BAZ2A: variants seen among roughly 807,000 people sequenced by gnomAD.
BAZ2A encodes the protein bromodomain adjacent to zinc finger domain 2A.
A neutral mutation model predicts 199.9 loss-of-function variants in BAZ2A; 34 were observed. The observed-to-expected ratio is 0.17, with a 90% CI of 0.13 to 0.23. The LOEUF is 0.23. Among genes scored for constraint, BAZ2A ranks in the 10% least tolerant of loss-of-function variants. The pLI, the probability that BAZ2A is intolerant of heterozygous loss-of-function variation, is 1.00. For synonymous variants in BAZ2A, 857 were observed against 883.9 expected (o/e 0.97, Z 0.54); for missense variants, 2,002 against 2,391.1 (o/e 0.84, Z 3.39).
At chr12:56,618,609 A>T (rs1170432007) in intron 1 of BAZ2A, among the ~76,000 whole-genome samples, 1 of 152,218 alleles carries the variant, frequency 6.6e-6, no homozygotes, top group Non-Finnish European at 1.5e-5. Flanking sequence ...ATGTTACTAC[A>T]TTTTAAAAAA....
At chr12:56,604,850 A>G (rs1484726163) in intron 14 of BAZ2A, 51 bp from the exon 15 acceptor site, 6 of 1,569,158 alleles carry the variant, frequency 3.8e-6, no homozygotes, top group African/African-American at 2.7e-5. Flanking sequence ...TGCACAACCA[A>G]GTTGGGTGAA....
At chr12:56,610,330 G>A (rs1050129298) in intron 8 of BAZ2A, 79 bp downstream of exon 8, 1 of 1,575,678 alleles carries the variant, frequency 6.3e-7, no homozygotes, top group Non-Finnish European at 8.7e-7. Context: ...TTGTCACTGA[G>A]CCCAAGAACG....
chr12:56,625,785 AGAATGGCGTGAACCCGGG>A (rs1951073917), intron 1 of BAZ2A, among the ~76,000 whole-genome samples: 4 of 147,634 alleles, frequency 2.7e-5, no homozygotes. Context: ...CTGAGGCAGG[AGAATGGCGTGAACCCGGG>A]AGGCGGAGCT....
In BAZ2A at chr12:56,598,528, AC is replaced by A; in HGVS notation, c.*89del. On this transcript the variant is annotated 3_prime_UTR_variant, in exon 29 of 29. Transcript: ENST00000549884. The stretch of plus-strand genomic sequence containing the variant: ...AGGGTTGTATCTGACTTGAGTCTGG[AC>A]CCAGGGCAGCATCAGCAGGTGAAAA... 6.7e-7 allele frequency: 1 copy of A among 1,488,248 alleles called. No individual in the cohort carries two copies. Among genetic ancestry groups the A allele is most frequent in the Non-Finnish European group, 9.0e-7 (1 of 1,109,810 alleles). The allele number at this position is 1,488,248 out of a possible 1,614,324, so 92.2% of individuals were successfully genotyped here. A position where few individuals can be genotyped will look rare whatever the true frequency, so the allele number is the denominator to read the frequency against.
Position 56,598,276 on chromosome 12 carries a change from G to C in BAZ2A, c.*342C>G, listed in dbSNP as rs1040881195. The C allele has an allele frequency of 3.5e-6, 1 of 282,806 alleles. No individual in the cohort carries two copies. The highest frequency in any genetic ancestry group is 2.2e-5 in the African/African-American group (1 of 44,938). 17.5% of individuals were successfully genotyped at this position (282,806 alleles called of 1,614,324 possible). A position where few individuals can be genotyped will look rare whatever the true frequency, so the allele number is the denominator to read the frequency against. ...CCAGAATGCTGGGGCACGTACAGGG[G>C]AGGAGAGGAAGCAGGGAGGAGGAAG... On this transcript the variant is annotated 3_prime_UTR_variant, in exon 29 of 29. Coordinates refer to ENST00000549884, the MANE Select transcript of BAZ2A (RefSeq NM_001300905.2).
intron 4 of BAZ2A, 73 bp from the exon 5 acceptor site, chr12:56,613,306 G>A (rs1950619121): frequency 6.9e-6 from 10 of 1,449,414 alleles, no homozygotes; most frequent in Non-Finnish European, 1.9e-6. Context: ...AAGAAACACT[G>A]GTCAGAAAAC....
intron 1 of BAZ2A, among the ~76,000 whole-genome samples, chr12:56,628,363 G>A (rs961323224): frequency 6.6e-6 from 1 of 151,134 alleles, no homozygotes; most frequent in Non-Finnish European, 1.5e-5. Flanking sequence ...ATTATCAAGT[G>A]AAAAGAAAGA....
Position 56,612,074 on chromosome 12 carries a change from G to A in BAZ2A, c.1308C>T (p.Ser436=). The change falls in exon 6 of 29, where the codon TCC becomes TCT. Residue 436 remains serine (S), a synonymous_variant. Coordinates refer to ENST00000549884, the MANE Select transcript of BAZ2A (RefSeq NM_001300905.2). ...GGGAGGCTGCTGGAGAAACCACTAG[G>A]GAGACTGCTGGGGAGGTTGTTGGCG... ...AVSPTTSPAV[S]LVVSPAASPE... The A allele has an allele frequency of 4.3e-6, 7 of 1,613,758 alleles. No individual in the cohort carries two copies. Among genetic ancestry groups the A allele is most frequent in the Non-Finnish European group, 5.9e-6 (7 of 1,179,844 alleles).
At chr12:56,610,661 G>A (rs1416695090) in intron 7 of BAZ2A, 144 bp from the exon 8 acceptor site, 1 of 698,544 alleles carries the variant, frequency 1.4e-6, no homozygotes, top group East Asian at 2.7e-5. Context: ...CACCAAGAGA[G>A]ATAAGCTTGG....
At chr12:56,625,573 A>G (rs1401612142) in intron 1 of BAZ2A, among the ~76,000 whole-genome samples, 1 of 152,112 alleles carries the variant, frequency 6.6e-6, no homozygotes, top group African/African-American at 2.4e-5. Context: ...CAAAAGACTA[A>G]AAGTAGGAAG....
intron 1 of BAZ2A, among the ~76,000 whole-genome samples, chr12:56,622,383 T>C (rs1459245421): frequency 6.6e-6 from 1 of 152,100 alleles, no homozygotes; most frequent in African/African-American, 2.4e-5. Flanking sequence ...ACATATAAAA[T>C]AAATATAATT....
rs67765071 is a variant in BAZ2A, at chr12:56,608,867, CTT to C, written c.2092+867_2092+868del. On this transcript the variant is annotated intron_variant, in intron 10 of 28. Coordinates refer to ENST00000549884, the MANE Select transcript of BAZ2A (RefSeq NM_001300905.2). ...TACAGGCGTGAGCCACCGTGCCTGG[CTT>C]TTTTTTTTTTTTTTTTTTTTTTTGA... Among the ~76,000 whole-genome samples the C allele has an allele frequency of 9.8e-3, 682 of 69,730 alleles. 2 individuals carry two copies. Among genetic ancestry groups the C allele is most frequent in the African/African-American group, 0.051 (638 of 12,514 alleles). 45.7% of individuals were successfully genotyped at this position (69,730 alleles called of 152,430 possible).
At chr12:56,617,975 C>T (rs1950777511) in intron 1 of BAZ2A, among the ~76,000 whole-genome samples, 1 of 152,158 alleles carries the variant, frequency 6.6e-6, no homozygotes. Flanking sequence ...GACAGAAAAG[C>T]ATATTTGATA....
intron 7 of BAZ2A, among the ~76,000 whole-genome samples, chr12:56,610,976 C>G (rs1021299124): frequency 6.6e-6 from 1 of 152,118 alleles, no homozygotes; most frequent in African/African-American, 2.4e-5. Flanking sequence ...GTGTTCTGAG[C>G]AGAACACAAA....
upstream of BAZ2A, among the ~76,000 whole-genome samples, chr12:56,632,077 C>A (rs751980167): frequency 6.6e-6 from 1 of 152,032 alleles, no homozygotes; most frequent in Non-Finnish European, 1.5e-5. Context: ...ACCCTTCTCT[C>A]CTCCCTGTCA....
chr12:56,623,389 C>T (rs1220300646), intron 1 of BAZ2A, among the ~76,000 whole-genome samples: 1 of 152,166 alleles, frequency 6.6e-6, no homozygotes, highest in Admixed American at 6.5e-5. Flanking sequence ...CACCCTCCAG[C>T]TGGATACTGC....
At chr12:56,636,784 C>G (rs1424935162), upstream of BAZ2A, 1 of 153,132 alleles carries the variant, frequency 6.5e-6, no homozygotes, top group East Asian at 1.9e-4. Flanking sequence ...CTCAGCATTT[C>G]CCCAAATCCC....
At chr12:56,632,205 G>T (rs1242659605), upstream of BAZ2A, among the ~76,000 whole-genome samples, 1 of 152,126 alleles carries the variant, frequency 6.6e-6, no homozygotes, top group Non-Finnish European at 1.5e-5. Context: ...CTTCCTTCTG[G>T]AGAAAGGAGG....
At chr12:56,631,407 C>T (rs945380178), upstream of BAZ2A, among the ~76,000 whole-genome samples, 9 of 148,234 alleles carry the variant, frequency 6.1e-5, no homozygotes, top group East Asian at 3.9e-4. Context: ...ACTGAGATCG[C>T]GCCATTGCAC....
Sources: allele counts gnomAD v4.1 joint callset (sites outside exome capture counted in the v4.1 genomes callset), GRCh38; gene constraint gnomAD v4.1.1; transcripts MANE v1.5; gene names NCBI Gene and HGNC (gene_info 2026-07-23, HGNC 2026-07-21).